The following CYYR1 variants were observed in gnomAD, a reference collection of about 807,000 sequenced individuals.
CYYR1 encodes cysteine and tyrosine rich 1.
Under a neutral mutation model 15.2 loss-of-function variants are expected in CYYR1, and 14 were observed. The ratio of observed to expected loss-of-function variants is 0.92; its 90% CI spans 0.61 to 1.44. The LOEUF (loss-of-function observed/expected upper bound fraction) is 1.44, where lower values mean the gene tolerates loss of function less well. Ranked by LOEUF, CYYR1 falls within the 40% of genes most tolerant of loss-of-function variation. The pLI is 0.00. For synonymous variants in CYYR1, 80 were observed against 77.4 expected (o/e 1.03, Z -0.18); for missense variants, 228 against 209.5 (o/e 1.09, Z -0.54).
chr21:26,502,585 C>G lies in CYYR1; in HGVS notation c.177-22156G>C, dbSNP rs138729071. Among the ~76,000 whole-genome samples, 1,301 of 152,140 alleles carry G rather than the reference C, an allele frequency of 8.6e-3. 25 individuals carry two copies. The highest frequency in any genetic ancestry group is 0.029 in the African/African-American group (1,191 of 41,492). ...GCAAGTAAATAAAAAATTATTTTGG[C>G]TTTTACAATTTATCTTGGTCTTGAT... On this transcript the variant is annotated intron_variant, in intron 2 of 3. Transcript: ENST00000652641.
intron 3 of CYYR1, among the ~76,000 whole-genome samples, chr21:26,476,293 C>T (rs889048495): frequency 5.3e-5 from 8 of 152,102 alleles, no homozygotes; most frequent in Non-Finnish European, 1.2e-4. Context: ...CAGAGTAACA[C>T]ACTCAAAGGT....
At chr21:26,529,164 T>C (rs1253850402) in intron 2 of CYYR1, among the ~76,000 whole-genome samples, 1 of 152,222 alleles carries the variant, frequency 6.6e-6, no homozygotes, top group Non-Finnish European at 1.5e-5. Context: ...AGGAGGTTAG[T>C]AACTTGCCTA....
intron 2 of CYYR1, among the ~76,000 whole-genome samples, chr21:26,532,645 C>T (rs1441366901): frequency 6.6e-6 from 1 of 152,152 alleles, no homozygotes; most frequent in Non-Finnish European, 1.5e-5. Flanking sequence ...TATTCTGTTA[C>T]TGTGCTGCTT....
intron 2 of CYYR1, among the ~76,000 whole-genome samples, chr21:26,492,760 G>C (rs1390768774): frequency 6.6e-6 from 1 of 152,006 alleles, no homozygotes; most frequent in Non-Finnish European, 1.5e-5. Context: ...AAATTATGCA[G>C]CATGAAACAA....
At chr21:26,529,079 G>A (rs1033016090) in intron 2 of CYYR1, among the ~76,000 whole-genome samples, 14 of 152,240 alleles carry the variant, frequency 9.2e-5, no homozygotes, top group Admixed American at 7.9e-4. Flanking sequence ...TTTATATATA[G>A]TACTTATTAG....
chr21:26,513,091 A>G (rs1569155347), intron 2 of CYYR1, among the ~76,000 whole-genome samples: 3 of 152,030 alleles, frequency 2.0e-5, no homozygotes. Context: ...CTTTTCATTT[A>G]TCTGTCTGTT....
chr21:26,546,639 G>T (rs1281450723), intron 2 of CYYR1, among the ~76,000 whole-genome samples: 1 of 152,186 alleles, frequency 6.6e-6, no homozygotes, highest in Non-Finnish European at 1.5e-5. Flanking sequence ...AGAGGAAATT[G>T]AAGTAGAAAG....
At chr21:26,486,619 A>T (rs1423314160) in intron 2 of CYYR1, among the ~76,000 whole-genome samples, 1 of 151,458 alleles carries the variant, frequency 6.6e-6, no homozygotes, top group African/African-American at 2.4e-5. Context: ...AATTTAGCTA[A>T]TTTTTTTTTC....
At chr21:26,473,829 A>C (rs1479757240) in intron 3 of CYYR1, among the ~76,000 whole-genome samples, 1 of 152,138 alleles carries the variant, frequency 6.6e-6, no homozygotes, top group Non-Finnish European at 1.5e-5. Context: ...TCTAATTAAA[A>C]TCTGATTTTC....
At chr21:26,555,787 G>A (rs774270258) in intron 2 of CYYR1, among the ~76,000 whole-genome samples, 2 of 152,134 alleles carry the variant, frequency 1.3e-5, no homozygotes, top group Non-Finnish European at 2.9e-5. Context: ...AGACAGCTGG[G>A]AGACACTGTG....
intron 2 of CYYR1, among the ~76,000 whole-genome samples, chr21:26,506,069 T>C (rs1400018132): frequency 2.0e-5 from 3 of 152,120 alleles, no homozygotes; most frequent in Non-Finnish European, 2.9e-5. Context: ...CATGCATCCG[T>C]CATCTCAATA....
chr21:26,546,327 T>C (rs1466412009), intron 2 of CYYR1, among the ~76,000 whole-genome samples: 1 of 152,210 alleles, frequency 6.6e-6, no homozygotes, highest in African/African-American at 2.4e-5. Flanking sequence ...TTTTGAAACT[T>C]TGTTTCTTCA....
chr21:26,525,824 T>G (rs930318973), intron 2 of CYYR1, among the ~76,000 whole-genome samples: 2 of 152,220 alleles, frequency 1.3e-5, no homozygotes. Context: ...CTACTTATTA[T>G]TTTTTAGCTT....
intron 2 of CYYR1, among the ~76,000 whole-genome samples, chr21:26,506,090 G>A (rs1429412024): frequency 6.6e-6 from 1 of 152,096 alleles, no homozygotes; most frequent in Admixed American, 6.6e-5. Flanking sequence ...GGCCCATTGT[G>A]CCCATTACAG....
At chr21:26,559,465 A>G (rs1285919576) in intron 2 of CYYR1, among the ~76,000 whole-genome samples, 1 of 152,126 alleles carries the variant, frequency 6.6e-6, no homozygotes, top group Non-Finnish European at 1.5e-5. Flanking sequence ...ACCATTTTAA[A>G]GTGTACAGTT....
At chr21:26,489,662 CTG>C (rs2065299220) in intron 2 of CYYR1, among the ~76,000 whole-genome samples, 1 of 151,986 alleles carries the variant, frequency 6.6e-6, no homozygotes, top group East Asian at 1.9e-4. Flanking sequence ...AGCTTTGAGA[CTG>C]CACAACACAA....
intron 2 of CYYR1, chr21:26,482,533 G>C (rs2065195871): frequency 1.0e-6 from 1 of 984,738 alleles, no homozygotes; most frequent in Admixed American, 6.2e-5. Context: ...CCCAATTCTT[G>C]CTAATTCTTG....
intron 2 of CYYR1, among the ~76,000 whole-genome samples, chr21:26,545,223 T>G (rs1464151542): frequency 6.6e-6 from 1 of 152,194 alleles, no homozygotes; most frequent in Non-Finnish European, 1.5e-5. Context: ...AGGTTCAATT[T>G]TCTCATGTAT....
intron 2 of CYYR1, among the ~76,000 whole-genome samples, chr21:26,562,547 A>C (rs1046721630): frequency 2.8e-4 from 42 of 152,132 alleles, no homozygotes; most frequent in African/African-American, 1.0e-3. Flanking sequence ...CACTAGCCAC[A>C]CTGAACAGTA....
Sources: allele counts gnomAD v4.1 joint callset (sites outside exome capture counted in the v4.1 genomes callset), GRCh38; gene constraint gnomAD v4.1.1; transcripts MANE v1.5; gene names NCBI Gene and HGNC (gene_info 2026-07-23, HGNC 2026-07-21).